Variants in CEP128 observed in about 807,000 individuals in gnomAD.
The protein encoded by CEP128 is centrosomal protein 128kDa.
CEP128 carries 132 observed loss-of-function variants against 156.7 expected under a neutral mutation model. That is an observed-to-expected ratio of 0.84 (90% CI 0.73 to 0.97). The LOEUF is 0.97. Ranked by LOEUF, CEP128 falls within the 50% of genes least tolerant of loss-of-function variation. The pLI is 0.00. For missense variants in CEP128, 1,252 were observed against 1,281.9 expected (o/e 0.98, Z 0.36); for synonymous variants, 469 against 448.9 (o/e 1.04, Z -0.57).
intron 20 of CEP128, among the ~76,000 whole-genome samples, chr14:80,566,545 T>C (rs1235194622): frequency 6.6e-6 from 1 of 152,200 alleles, no homozygotes; most frequent in African/African-American, 2.4e-5. Flanking sequence ...TATCTCAGTG[T>C]AGCAACATCA....
At chr14:80,603,195 A>G (rs1352864976) in intron 19 of CEP128, among the ~76,000 whole-genome samples, 6 of 152,200 alleles carry the variant, frequency 3.9e-5, no homozygotes, top group Admixed American at 3.9e-4. Flanking sequence ...TAGCTGAAAG[A>G]TGGAAACAAC....
chr14:80,505,058 A>G, intron 23 of CEP128, 38 bp from the exon 24 acceptor site: 1 of 1,091,340 alleles, frequency 9.2e-7, no homozygotes, highest in Non-Finnish European at 1.4e-6. Context: ...ATGATTACAC[A>G]AGGTATGGAC....
At chr14:80,597,901 T>G (rs746334805) in intron 19 of CEP128, among the ~76,000 whole-genome samples, 12 of 105,870 alleles carry the variant, frequency 1.1e-4, no homozygotes, top group Non-Finnish European at 1.8e-4. Flanking sequence ...TGACCATTTA[T>G]GATAAAAATA....
At chr14:80,797,201 G>C (rs1472073072) in intron 13 of CEP128, among the ~76,000 whole-genome samples, 1 of 152,134 alleles carries the variant, frequency 6.6e-6, no homozygotes, top group African/African-American at 2.4e-5. Flanking sequence ...AGCAACAACA[G>C]GGAGCACAGG....
At chr14:80,553,663 T>C (rs34536975) in intron 21 of CEP128, among the ~76,000 whole-genome samples, 16,560 of 152,230 alleles carry the variant, frequency 0.11, 1,270 homozygotes, top group East Asian at 0.3. Context: ...TTTTAAAGTT[T>C]TTTCTCTTAT....
At chr14:80,811,584 T>C (rs1884534099) in intron 13 of CEP128, among the ~76,000 whole-genome samples, 1 of 152,056 alleles carries the variant, frequency 6.6e-6, no homozygotes, top group South Asian at 2.1e-4. Context: ...TTAAAATCAT[T>C]CAGAAAATGG....
intron 13 of CEP128, among the ~76,000 whole-genome samples, chr14:80,810,195 C>T (rs1055522561): frequency 1.3e-5 from 2 of 151,214 alleles, no homozygotes; most frequent in Admixed American, 6.6e-5. Context: ...TGATTGTAGA[C>T]GCCTGTAGTC....
intron 21 of CEP128, among the ~76,000 whole-genome samples, chr14:80,541,465 A>AAC (rs1491494542): frequency 7.1e-6 from 1 of 141,026 alleles, no homozygotes; most frequent in African/African-American, 3.0e-5. Context: ...AAAAAAAAAA[A>AAC]CCAGGAAAAA....
intron 19 of CEP128, among the ~76,000 whole-genome samples, chr14:80,591,815 C>T (rs865846989): frequency 5.9e-5 from 9 of 152,154 alleles, no homozygotes; most frequent in East Asian, 3.8e-4. Flanking sequence ...TGTCTCAAAC[C>T]ACAGTGCAAT....
intron 19 of CEP128, among the ~76,000 whole-genome samples, chr14:80,737,266 T>TG (rs1288014802): frequency 2.0e-5 from 3 of 151,990 alleles, no homozygotes; most frequent in African/African-American, 7.3e-5. Context: ...TAGCCAGGCG[T>TG]GGTGGCACAC....
chr14:80,907,208 G>C (rs373022846), intron 4 of CEP128, among the ~76,000 whole-genome samples: 25 of 152,024 alleles, frequency 1.6e-4, no homozygotes, highest in Middle Eastern at 3.4e-3. Flanking sequence ...GAAACAATCT[G>C]TATTAAAAGA....
At chr14:80,812,716 C>T (rs952008754) in intron 13 of CEP128, among the ~76,000 whole-genome samples, 8 of 152,124 alleles carry the variant, frequency 5.3e-5, no homozygotes, top group African/African-American at 1.9e-4. Flanking sequence ...AGGCACGTGC[C>T]ACCACACCTG....
intron 9 of CEP128, among the ~76,000 whole-genome samples, chr14:80,841,945 C>A (rs991741662): frequency 1.3e-5 from 2 of 151,648 alleles, no homozygotes; most frequent in Non-Finnish European, 2.9e-5. Context: ...CAGAGTGAGA[C>A]CCTCAAAAAA....
At chr14:80,557,902 C>T (rs1325493435) in intron 21 of CEP128, among the ~76,000 whole-genome samples, 4 of 151,868 alleles carry the variant, frequency 2.6e-5, no homozygotes, top group Non-Finnish European at 5.9e-5. Flanking sequence ...ATTTTCTTAG[C>T]CTTTTTAAAT....
At chr14:80,692,410 G>A (rs1896749903) in intron 19 of CEP128, among the ~76,000 whole-genome samples, 2 of 152,110 alleles carry the variant, frequency 1.3e-5, no homozygotes, top group African/African-American at 4.8e-5. Flanking sequence ...CATGTTAGAT[G>A]ACATCAAAGG....
intron 19 of CEP128, among the ~76,000 whole-genome samples, chr14:80,734,364 A>T (rs1898422528): frequency 6.6e-6 from 1 of 152,142 alleles, no homozygotes; most frequent in African/African-American, 2.4e-5. Flanking sequence ...CAAAAGCGAA[A>T]GTCTTTAGGG....
At chr14:80,734,944 A>G (rs1898459087) in intron 19 of CEP128, among the ~76,000 whole-genome samples, 3 of 151,988 alleles carry the variant, frequency 2.0e-5, no homozygotes, top group African/African-American at 7.3e-5. Context: ...TTTAGTTTTC[A>G]AAATAAGTTT....
At chr14:80,560,677 G>A (rs746126868) in intron 20 of CEP128, among the ~76,000 whole-genome samples, 3 of 152,112 alleles carry the variant, frequency 2.0e-5, no homozygotes, top group African/African-American at 4.8e-5. Flanking sequence ...TCAGCTGCCA[G>A]TGAATATAAA....
intron 19 of CEP128, among the ~76,000 whole-genome samples, chr14:80,588,067 C>A (rs938318894): frequency 6.6e-6 from 1 of 152,018 alleles, no homozygotes; most frequent in Non-Finnish European, 1.5e-5. Flanking sequence ...GTGCTGGTTT[C>A]TTGAGGTACC....
Sources: gnomAD v4.1 joint callset for allele counts (sites outside exome capture counted in the v4.1 genomes callset) on GRCh38, gnomAD v4.1.1 for gene constraint, MANE v1.5 for transcripts, NCBI Gene and HGNC (gene_info 2026-07-23, HGNC 2026-07-21) for gene names.